Variants in HCN1 observed in about 807,000 individuals in gnomAD.
The protein encoded by HCN1 is potassium/sodium hyperpolarization-activated cyclic nucleotide-gated channel 1.
HCN1 carries 13 observed loss-of-function variants against 78.9 expected under a neutral mutation model. That is an observed-to-expected ratio of 0.16 (90% CI 0.11 to 0.26). The LOEUF is 0.26. Among genes scored for constraint, HCN1 ranks in the 10% least tolerant of loss-of-function variants. HCN1 has a pLI of 1.00. For synonymous variants in HCN1, 552 were observed against 455.5 expected (o/e 1.21, Z -2.70); for missense variants, 810 against 1,154.3 (o/e 0.70, Z 4.32).
At chr5:45,322,262 T>A (rs1442260536) in intron 5 of HCN1, among the ~76,000 whole-genome samples, 1 of 151,890 alleles carries the variant, frequency 6.6e-6, no homozygotes, top group Non-Finnish European at 1.5e-5. Flanking sequence ...ATTGAAATTA[T>A]ATGCAAATAG....
intron 5 of HCN1, among the ~76,000 whole-genome samples, chr5:45,344,695 G>A (rs1355370482): frequency 6.6e-6 from 1 of 152,124 alleles, no homozygotes; most frequent in Non-Finnish European, 1.5e-5. Flanking sequence ...TCACATCCAG[G>A]GCATGCTGAT....
chr5:45,478,637 T>C (rs974786698), intron 2 of HCN1, among the ~76,000 whole-genome samples: 1 of 152,198 alleles, frequency 6.6e-6, no homozygotes, highest in African/African-American at 2.4e-5. Flanking sequence ...AAGTGATGCA[T>C]GTCTGGCATA....
chr5:45,529,735 C>A (rs1170414934), intron 2 of HCN1, among the ~76,000 whole-genome samples: 1 of 152,016 alleles, frequency 6.6e-6, no homozygotes, highest in Non-Finnish European at 1.5e-5. Flanking sequence ...ATCTAGTATT[C>A]CCCACAGCTG....
chr5:45,527,946 T>TA (rs1301077006), intron 2 of HCN1, among the ~76,000 whole-genome samples: 3 of 143,014 alleles, frequency 2.1e-5, no homozygotes, highest in Non-Finnish European at 3.1e-5. Context: ...TTTTTTTTTT[T>TA]AAACCCAAAA....
At chr5:45,357,098 A>G (rs1022173200) in intron 4 of HCN1, among the ~76,000 whole-genome samples, 1 of 151,912 alleles carries the variant, frequency 6.6e-6, no homozygotes, top group South Asian at 2.1e-4. Flanking sequence ...AGATTTTCCT[A>G]TAGAATTTCT....
At chr5:45,333,758 T>C (rs55821517) in intron 5 of HCN1, among the ~76,000 whole-genome samples, 27,408 of 151,632 alleles carry the variant, frequency 0.18, 3,295 homozygotes, top group Middle Eastern at 0.28. Flanking sequence ...TTCCCCAGTA[T>C]ATTTTCTTGA....
At chr5:45,348,073 C>A (rs1385090233) in intron 5 of HCN1, among the ~76,000 whole-genome samples, 2 of 151,978 alleles carry the variant, frequency 1.3e-5, no homozygotes, top group East Asian at 1.9e-4. Context: ...TCAGATTCAC[C>A]AAAGTTGAAA....
At chr5:45,301,647 G>A (rs1014589176) in intron 6 of HCN1, among the ~76,000 whole-genome samples, 1 of 150,570 alleles carries the variant, frequency 6.6e-6, no homozygotes, top group Non-Finnish European at 1.5e-5. Context: ...ACTTGAGCCT[G>A]CAGAGCAAGG....
intron 1 of HCN1, among the ~76,000 whole-genome samples, chr5:45,648,183 G>A (rs1745586377): frequency 6.6e-6 from 1 of 152,076 alleles, no homozygotes; most frequent in Non-Finnish European, 1.5e-5. Flanking sequence ...AATTTTGTGG[G>A]AAGCACCCAG....
intron 3 of HCN1, among the ~76,000 whole-genome samples, chr5:45,428,234 T>G (rs1197237406): frequency 6.6e-6 from 1 of 152,082 alleles, no homozygotes; most frequent in African/African-American, 2.4e-5. Flanking sequence ...CTAGTCTCAC[T>G]ATGAAACAAT....
chr5:45,428,013 T>C (rs1205374328), intron 3 of HCN1, among the ~76,000 whole-genome samples: 1 of 152,104 alleles, frequency 6.6e-6, no homozygotes, highest in East Asian at 1.9e-4. Context: ...TAGATGGTTC[T>C]TAAGTAAAAT....
At chr5:45,335,100 G>GT (rs1420189759) in intron 5 of HCN1, among the ~76,000 whole-genome samples, 6 of 151,950 alleles carry the variant, frequency 3.9e-5, no homozygotes, top group Admixed American at 3.9e-4. Flanking sequence ...CACATGATCT[G>GT]TACCTATTTT....
chr5:45,523,917 G>A (rs1267031564), intron 2 of HCN1, among the ~76,000 whole-genome samples: 3 of 151,912 alleles, frequency 2.0e-5, no homozygotes, highest in East Asian at 1.9e-4. Flanking sequence ...TTGGGGTTTT[G>A]GACATGAAGT....
At position 45,531,964 on chromosome 5, in the gene HCN1, C is replaced by T. The variant is rs554748948; in HGVS notation, c.850-69957G>A. ...CTGAGGCAGGAGAATTGCTTGAACCCGGGAGGCAGAGGTTGCAGAGAGCCG... is the reference window on the plus strand; with the variant it reads ...CTGAGGCAGGAGAATTGCTTGAACCTGGGAGGCAGAGGTTGCAGAGAGCCG... On this transcript the variant is annotated intron_variant, in intron 2 of 7. Transcript: ENST00000303230. 1.9e-4 allele frequency among the ~76,000 whole-genome samples: 29 copies of T among 152,164 alleles called. No homozygotes were observed. In the South Asian group the frequency reaches 2.5e-3, roughly 13 times the overall value.
At chr5:45,332,061 G>A (rs910932210) in intron 5 of HCN1, among the ~76,000 whole-genome samples, 1 of 151,344 alleles carries the variant, frequency 6.6e-6, no homozygotes, top group African/African-American at 2.4e-5. Context: ...GTTCTTTAAT[G>A]GTTCTGATTT....
intron 2 of HCN1, among the ~76,000 whole-genome samples, chr5:45,566,223 T>C (rs1019487067): frequency 1.4e-4 from 21 of 152,192 alleles, no homozygotes; most frequent in Admixed American, 2.6e-4. Flanking sequence ...GATTTCCATT[T>C]TTAAACTCTA....
At chr5:45,586,602 T>A (rs959360348) in intron 2 of HCN1, among the ~76,000 whole-genome samples, 3 of 152,110 alleles carry the variant, frequency 2.0e-5, no homozygotes, top group Non-Finnish European at 2.9e-5. Flanking sequence ...AAATCACTCA[T>A]CTTCTGTGTC....
chr5:45,478,425 A>C (rs1741570310), intron 2 of HCN1, among the ~76,000 whole-genome samples: 1 of 152,232 alleles, frequency 6.6e-6, no homozygotes, highest in Admixed American at 6.5e-5. Flanking sequence ...AAAGCTGAGC[A>C]ATGTCAGATC....
chr5:45,337,870 T>C (rs1501359), intron 5 of HCN1, among the ~76,000 whole-genome samples: 8,660 of 152,186 alleles, frequency 0.057, 366 homozygotes, highest in East Asian at 0.13. Context: ...GCTAAAGGTG[T>C]TTCAACAATT....
Sources: allele counts gnomAD v4.1 joint callset (sites outside exome capture counted in the v4.1 genomes callset), GRCh38; gene constraint gnomAD v4.1.1; transcripts MANE v1.5; gene names NCBI Gene and HGNC (gene_info 2026-07-23, HGNC 2026-07-21).